Variants in FANCE observed in about 807,000 individuals in gnomAD.
The protein encoded by FANCE is Fanconi anemia group E protein.
Under a neutral mutation model 57.8 loss-of-function variants are expected in FANCE, and 42 were observed. The ratio of observed to expected loss-of-function variants is 0.73; its 90% confidence interval spans 0.57 to 0.94. FANCE has a LOEUF of 0.94. FANCE is among the 40% of genes least tolerant of loss of function. FANCE has a pLI of 0.00. For synonymous variants in FANCE, 251 were observed against 286.4 expected, an observed-to-expected ratio of 0.88 and a Z score of 1.25; for missense variants, 608 against 661.8, an observed-to-expected ratio of 0.92 and a Z score of 0.89.
chr6:35,460,530 C>A (rs1767547157), intron 7 of FANCE, 22 bp from the exon 8 acceptor site: 1 of 1,613,072 alleles, frequency 6.2e-7, no homozygotes, highest in Non-Finnish European at 8.5e-7. Context: ...AGGCATTTTT[C>A]ACTAGGGCCT....
intron 1 of FANCE, among the ~76,000 whole-genome samples, chr6:35,454,462 A>G (rs886514217): frequency 1.3e-5 from 2 of 152,134 alleles, no homozygotes; most frequent in African/African-American, 2.4e-5. Flanking sequence ...TCACATCCCA[A>G]GTGCCTCTGT....
At chr6:35,455,670 G>A in intron 1 of FANCE, 77 bp from the exon 2 acceptor site, 7 of 1,572,722 alleles carry the variant, frequency 4.5e-6, no homozygotes, top group African/African-American at 1.3e-5. Context: ...CCGCCATCTA[G>A]CCCCCAGCTC....
At position 35,452,625 on chromosome 6, in the gene FANCE, G is replaced by C. The variant is rs1231691578; in HGVS notation, c.80G>C (p.Arg27Pro). ...APWAQLEAPA[R>P]LLLQALQAGP... ...TGGGCGCAGCTGGAGGCCCCCGCCC[G>C]CCTCCTGCTGCAGGCGCTGCAGGCG... The change falls in exon 1 of 10, where the codon CGC (arginine) becomes CCC (proline). Residue 27 changes from arginine to proline, a missense_variant. Physicochemically the swap from Arg to Pro is moderately radical, Grantham distance 103. Transcript: ENST00000229769. 7.9e-7 allele frequency: 1 copy of C among 1,273,332 alleles called. No homozygotes were observed. Among genetic ancestry groups the C allele is most frequent in the South Asian group, 2.9e-5 (1 of 34,818 alleles). The allele number at this position is 1,273,332 out of a possible 1,614,324, so 78.9% of individuals were successfully genotyped here. A position where few individuals can be genotyped will look rare whatever the true frequency, so the allele number is the denominator to read the frequency against.
rs1185498189 is a variant in FANCE at position 35,464,723 on chromosome 6, ATATTCT to A, written c.1510-1519_1510-1514del. Among the ~76,000 whole-genome samples, 4 of 139,918 alleles carry A rather than the reference ATATTCT, an allele frequency of 2.9e-5. No homozygotes were observed. The East Asian group carries it at 8.9e-4, about 31-fold the overall frequency. The allele number at this position is 139,918 out of a possible 152,430, so 91.8% of individuals were successfully genotyped here. On this transcript the variant is annotated intron_variant, in intron 9 of 9. Transcript: ENST00000229769. ...ATTCCATGTGTCAGCCCTGTGAGAG[ATATTCT>A]TTTTTTTTTTTTTTTTTTTTTGAGA... is the stretch of plus-strand genomic sequence containing the variant.
Position 35,466,642 on chromosome 6 carries a change from C to CT in FANCE, c.*297_*298insT. ...TGCAGTGATGCGATTGATCATGGCT[C>CT]ACTGTAACCTCTGCCTCCCAGGCTC... On this transcript the variant is annotated 3_prime_UTR_variant, in exon 10 of 10. Transcript: ENST00000229769. 2.3e-6 allele frequency: 1 copy of CT among 444,264 alleles called. No homozygotes were observed. The highest frequency in any genetic ancestry group is 4.2e-6 in the Non-Finnish European group (1 of 238,012). 27.5% of individuals were successfully genotyped at this position (444,264 alleles called of 1,614,324 possible). A position where few individuals can be genotyped will look rare whatever the true frequency, so the allele number is the denominator to read the frequency against.
In FANCE at chr6:35,466,617, T is replaced by A. The variant is rs1003234313; in HGVS notation, c.*272T>A. 3 of 466,974 alleles carry A rather than the reference T, an allele frequency of 6.4e-6. No individual in the cohort carries two copies. The highest frequency in any genetic ancestry group is 1.2e-5 in the Non-Finnish European group (3 of 251,974). 28.9% of individuals were successfully genotyped at this position (466,974 alleles called of 1,614,324 possible). A position where few individuals can be genotyped will look rare whatever the true frequency, so the allele number is the denominator to read the frequency against. ...TATTGCTCTGTCATCCAGGCTGGAG[T>A]GCAGTGATGCGATTGATCATGGCTC... On this transcript the variant is annotated 3_prime_UTR_variant, in exon 10 of 10. Transcript: ENST00000229769.
intron 5 of FANCE, 148 bp from the exon 6 acceptor site, chr6:35,459,183 C>T: frequency 1.0e-6 from 1 of 963,970 alleles, no homozygotes; most frequent in Non-Finnish European, 1.6e-6. Context: ...GTATCTTTTC[C>T]AATGGGTGGG....
intron 9 of FANCE, among the ~76,000 whole-genome samples, chr6:35,465,559 G>C (rs866885504): frequency 6.6e-6 from 1 of 152,180 alleles, no homozygotes; most frequent in Non-Finnish European, 1.5e-5. Context: ...GGTGTTACAG[G>C]CCCATTTGAT....
chr6:35,457,989 G>A lies in FANCE; in HGVS notation c.969+5G>A. ...CACGAATGTAGTCCCAGCCAGGTGAGTCCAGATGACTGCCTGGCTCTGAGG... is the reference window on the plus strand; with the variant it reads ...CACGAATGTAGTCCCAGCCAGGTGAATCCAGATGACTGCCTGGCTCTGAGG... On this transcript the variant is annotated splice_donor_5th_base_variant and intron_variant, in intron 4 of 9. Transcript: ENST00000229769. 1 of 1,612,338 alleles carries A rather than the reference G, an allele frequency of 6.2e-7. No homozygotes were observed. Among genetic ancestry groups the A allele is most frequent in the South Asian group, 1.1e-5 (1 of 91,044 alleles).
chr6:35,457,880 GCT>G (rs1561791133), intron 3 of FANCE, 34 bp from the exon 4 acceptor site: 1 of 1,588,238 alleles, frequency 6.3e-7, no homozygotes, highest in East Asian at 2.2e-5. Flanking sequence ...GTCACTGAGG[GCT>G]CTGCCAGCCC....
rs1285564727 is a variant in FANCE at position 35,458,444 on chromosome 6, G to T, written c.1113+4G>T. 4 of 1,613,894 alleles carry T rather than the reference G, an allele frequency of 2.5e-6. No individual in the cohort carries two copies. On this transcript the variant is annotated splice_donor_region_variant and intron_variant, in intron 5 of 9. Coordinates refer to ENST00000229769, the MANE Select transcript of FANCE (RefSeq NM_021922.3). Reference sequence around the variant, plus strand: ...CAGAAGCCTCTTTCTTGGACGGGTAGGTGTATTGGGAGGTACTCAGAGTGC... The same window carrying T: ...CAGAAGCCTCTTTCTTGGACGGGTATGTGTATTGGGAGGTACTCAGAGTGC...
At chr6:35,460,322 G>T (rs563882901) in intron 7 of FANCE, among the ~76,000 whole-genome samples, 2 of 152,274 alleles carry the variant, frequency 1.3e-5, no homozygotes, top group African/African-American at 2.4e-5. Flanking sequence ...CACCATGTTG[G>T]CCAGGCTGGT....
At chr6:35,453,327 C>T (rs1232030150) in intron 1 of FANCE, among the ~76,000 whole-genome samples, 1 of 151,898 alleles carries the variant, frequency 6.6e-6, no homozygotes, top group Non-Finnish European at 1.5e-5. Flanking sequence ...TTTTTAACCT[C>T]TCTGTGGCTG....
intron 5 of FANCE, among the ~76,000 whole-genome samples, chr6:35,458,655 T>TGA (rs199608419): frequency 1.3e-5 from 2 of 151,554 alleles, no homozygotes; most frequent in African/African-American, 4.9e-5. Flanking sequence ...TTTTTTTTTT[T>TGA]GAGAGAGAGT....
At chr6:35,455,073 C>G (rs1341952238) in intron 1 of FANCE, among the ~76,000 whole-genome samples, 2 of 152,162 alleles carry the variant, frequency 1.3e-5, no homozygotes, top group Non-Finnish European at 2.9e-5. Context: ...GGCTGCAAGA[C>G]TAAGCACTGC....
rs2150905581 is a variant in FANCE at position 35,466,309 on chromosome 6, G to A, written c.1575G>A (p.Lys525=). ...ALEPNTTFLR[K]SLKAALKHLG... Reference sequence around the variant, plus strand: ...AACCTAACACCACCTTCCTGAGGAAGTCCCTGAAGGCCGCCTTGAAACATT... The same window carrying A: ...AACCTAACACCACCTTCCTGAGGAAATCCCTGAAGGCCGCCTTGAAACATT... The change falls in exon 10 of 10, where the codon AAG becomes AAA. Residue 525 remains lysine, a synonymous_variant. Transcript: ENST00000229769. 1 of 1,613,976 alleles carries A rather than the reference G, an allele frequency of 6.2e-7. No homozygotes were observed. Among genetic ancestry groups the A allele is most frequent in the Non-Finnish European group, 8.5e-7 (1 of 1,179,834 alleles).
intron 9 of FANCE, among the ~76,000 whole-genome samples, chr6:35,463,410 C>T (rs1032026966): frequency 2.6e-5 from 4 of 152,208 alleles, no homozygotes; most frequent in African/African-American, 7.2e-5. Context: ...ATCCAGCCAA[C>T]ACTTCTTTAG....
intron 9 of FANCE, among the ~76,000 whole-genome samples, chr6:35,464,736 T>TC: frequency 6.9e-6 from 1 of 144,278 alleles, no homozygotes; most frequent in Non-Finnish European, 1.5e-5. Flanking sequence ...TTCTTTTTTT[T>TC]TTTTTTTTTT....
At chr6:35,461,806 C>T (rs1196590332) in intron 8 of FANCE, among the ~76,000 whole-genome samples, 1 of 152,006 alleles carries the variant, frequency 6.6e-6, no homozygotes, top group African/African-American at 2.4e-5. Context: ...CACCACCACA[C>T]CCGGCTAATC....
Sources: gnomAD v4.1 joint callset for allele counts (sites outside exome capture counted in the v4.1 genomes callset) on GRCh38, gnomAD v4.1.1 for gene constraint, MANE v1.5 for transcripts, NCBI Gene and HGNC (gene_info 2026-07-23, HGNC 2026-07-21) for gene names.